VPS13D: variants seen among roughly 807,000 people sequenced by gnomAD.
VPS13D encodes vacuolar protein sorting 13 homolog D, also known as intermembrane lipid transfer protein VPS13D.
VPS13D carries 187 observed loss-of-function variants against 461.9 expected under a neutral mutation model. The observed-to-expected ratio is 0.40, with a 90% confidence interval of 0.36 to 0.46. The LOEUF is 0.46. VPS13D is among the 20% of genes least tolerant of loss of function. The probability of loss-of-function intolerance (pLI) is 0.60; values close to 1 mark genes in which losing one functional copy is unlikely to be tolerated. For missense variants in VPS13D, 4,711 were observed against 5,364.9 expected (o/e 0.88, Z 3.81); for synonymous variants, 1,951 against 1,986.3 (o/e 0.98, Z 0.47).
chr1:12,317,102 G>C (rs1327905407), intron 30 of VPS13D, among the ~76,000 whole-genome samples: 1 of 150,192 alleles, frequency 6.7e-6, no homozygotes, highest in Non-Finnish European at 1.5e-5. Context: ...TGGGCTGTCA[G>C]GTCAGTTTCA....
At chr1:12,244,695 T>G in intron 5 of VPS13D, 78 bp downstream of exon 5, 1 of 1,383,416 alleles carries the variant, frequency 7.2e-7, no homozygotes, top group Non-Finnish European at 1.0e-6. Context: ...CCTCTTAGTT[T>G]CTCATTTCTC....
In VPS13D at chr1:12,336,244, A is replaced by G. The variant is rs184859697; in HGVS notation, c.8551+417A>G. The stretch of plus-strand genomic sequence containing the variant: ...AAATCTAGAGATAGAGGGTTTGGAC[A>G]TATTCTTGAAAAGAGGGCGAGCAGG... On this transcript the variant is annotated intron_variant, in intron 39 of 69. Transcript: ENST00000620676. The G allele has an allele frequency of 2.8e-4, 49 of 175,336 alleles. No homozygotes were observed. The Admixed American group carries it at 2.9e-3, about 10-fold the overall frequency. 10.9% of individuals were successfully genotyped at this position (175,336 alleles called of 1,614,324 possible). A position where few individuals can be genotyped will look rare whatever the true frequency, so the allele number is the denominator to read the frequency against.
Position 12,277,116 on chromosome 1 carries a change from G to A in VPS13D, c.3528G>A (p.Leu1176=). ...TGGAAATCCATAGGCTGAACTTACTGCTTCTTCGGACAGTGGGCATGGCAA... is the reference window on the plus strand; with the variant it reads ...TGGAAATCCATAGGCTGAACTTACTACTTCTTCGGACAGTGGGCATGGCAA... ...VAVEIHRLNL[L]LLRTVGMANR... Residue 1176 remains leucine (L), a synonymous_variant, in exon 19 of 70, where the codon CTG becomes CTA. Transcript: ENST00000620676. The A allele has an allele frequency of 1.9e-6, 3 of 1,614,176 alleles. No homozygotes were observed. Among genetic ancestry groups the A allele is most frequent in the Non-Finnish European group, 8.5e-7 (1 of 1,180,038 alleles).
chr1:12,280,231 A>C (rs184215549), intron 20 of VPS13D, among the ~76,000 whole-genome samples: 3 of 152,294 alleles, frequency 2.0e-5, no homozygotes, highest in African/African-American at 7.2e-5. Context: ...GCAGGCTCTT[A>C]GGACGGTCTG....
intron 64 of VPS13D, among the ~76,000 whole-genome samples, chr1:12,415,518 G>A (rs1329748366): frequency 6.6e-6 from 1 of 151,924 alleles, no homozygotes; most frequent in African/African-American, 2.4e-5. Context: ...ACAAAATAAT[G>A]TTTTTATTTA....
At chr1:12,383,309 G>A (rs940084420) in intron 58 of VPS13D, among the ~76,000 whole-genome samples, 154 bp downstream of exon 58, 1 of 152,142 alleles carries the variant, frequency 6.6e-6, no homozygotes, top group African/African-American at 2.4e-5. Flanking sequence ...ACCTCACAAA[G>A]TTGTTACAAG....
chr1:12,394,233 GT>G (rs991767194), intron 60 of VPS13D, among the ~76,000 whole-genome samples: 2 of 152,138 alleles, frequency 1.3e-5, no homozygotes, highest in African/African-American at 4.8e-5. Context: ...ATGATTCTCT[GT>G]TTTTATAATT....
At chr1:12,487,685 CT>C (rs1267997809) in intron 67 of VPS13D, among the ~76,000 whole-genome samples, 1 of 151,336 alleles carries the variant, frequency 6.6e-6, no homozygotes, top group Non-Finnish European at 1.5e-5. Flanking sequence ...ATCTGCTTGG[CT>C]TTGGTCACTG....
intron 5 of VPS13D, among the ~76,000 whole-genome samples, chr1:12,246,781 G>A (rs1166752972): frequency 1.3e-5 from 2 of 152,190 alleles, no homozygotes; most frequent in Non-Finnish European, 2.9e-5. Flanking sequence ...GCTGCCAGAA[G>A]CCATATTAAA....
chr1:12,482,663 C>T (rs974101103), intron 67 of VPS13D, among the ~76,000 whole-genome samples: 1 of 151,806 alleles, frequency 6.6e-6, no homozygotes, highest in Admixed American at 6.6e-5. Flanking sequence ...CTTATTCTCC[C>T]TGGGCATTGA....
intron 29 of VPS13D, among the ~76,000 whole-genome samples, chr1:12,312,274 C>A (rs60084055): frequency 0.064 from 9,738 of 152,142 alleles, 485 homozygotes; most frequent in Admixed American, 0.13. Context: ...GATGTGCCAG[C>A]GGGAAAAATG....
At chr1:12,441,719 C>G (rs1481039633) in intron 65 of VPS13D, among the ~76,000 whole-genome samples, 1 of 152,318 alleles carries the variant, frequency 6.6e-6, no homozygotes, top group South Asian at 2.1e-4. Flanking sequence ...TCGCAAAGAT[C>G]TTTCTTCTTC....
At chr1:12,245,243 A>G (rs1439153483) in intron 5 of VPS13D, among the ~76,000 whole-genome samples, 1 of 152,166 alleles carries the variant, frequency 6.6e-6, no homozygotes, top group African/African-American at 2.4e-5. Context: ...ATGTTTTAAG[A>G]GTTTGTCCAT....
chr1:12,463,376 G>A (rs1225238119), intron 67 of VPS13D, among the ~76,000 whole-genome samples: 1 of 152,180 alleles, frequency 6.6e-6, no homozygotes, highest in Non-Finnish European at 1.5e-5. Context: ...TCTTCTGAAG[G>A]GATACATAGC....
chr1:12,341,957 AAGGTGGGCCCCCTCTTG>A lies in VPS13D; in HGVS notation c.8732+76_8732+92del, dbSNP rs1168893886. 9.8e-6 allele frequency: 14 copies of A among 1,423,334 alleles called. No homozygotes were observed. The African/African-American group carries it at 1.8e-4, about 19-fold the overall frequency. 88.2% of individuals were successfully genotyped at this position (1,423,334 alleles called of 1,614,324 possible). A position where few individuals can be genotyped will look rare whatever the true frequency, so the allele number is the denominator to read the frequency against. On this transcript the variant is annotated intron_variant, in intron 41 of 69. Coordinates refer to ENST00000620676, the MANE Select transcript of VPS13D (RefSeq NM_015378.4). ...CCTTCTTGTGCCAGCCCAGTAGAGCAAGGTGGGCCCCCTCTTGAGGCTCTTGGGATGATATTTGAATG... is the reference window on the plus strand; with the variant it reads ...CCTTCTTGTGCCAGCCCAGTAGAGCAAGGCTCTTGGGATGATATTTGAATG...
intron 67 of VPS13D, 105 bp downstream of exon 67, chr1:12,460,501 T>G: frequency 9.3e-7 from 1 of 1,074,294 alleles, no homozygotes; most frequent in Non-Finnish European, 1.2e-6. Context: ...AGTTATAGGG[T>G]TTTTAATTCA....
intron 68 of VPS13D, chr1:12,500,045 A>T (rs1274818789): frequency 1.0e-6 from 1 of 985,210 alleles, no homozygotes; most frequent in East Asian, 1.1e-4. Context: ...ATTTTTTTCC[A>T]GTTAGGCTCA....
intron 24 of VPS13D, among the ~76,000 whole-genome samples, chr1:12,298,020 A>C (rs1170191814): frequency 2.0e-5 from 3 of 152,230 alleles, no homozygotes; most frequent in Non-Finnish European, 4.4e-5. Context: ...ATATATAAAT[A>C]CATAGCTGTG....
At chr1:12,478,487 G>A (rs1387914049) in intron 67 of VPS13D, 1 of 241,858 alleles carries the variant, frequency 4.1e-6, no homozygotes, top group Non-Finnish European at 8.4e-6. Context: ...TTGTACTGCC[G>A]CCAATGAGTG....
Sources: gnomAD v4.1 joint callset for allele counts (sites outside exome capture counted in the v4.1 genomes callset) on GRCh38, gnomAD v4.1.1 for gene constraint, MANE v1.5 for transcripts, NCBI Gene and HGNC (gene_info 2026-07-23, HGNC 2026-07-21) for gene names.